CCDC186: variants seen among roughly 807,000 people sequenced by gnomAD.
CCDC186 encodes coiled-coil domain-containing protein 186.
Under a neutral mutation model 113.7 loss-of-function variants are expected in CCDC186, and 49 were observed. The observed-to-expected ratio is 0.43, with a 90% CI of 0.34 to 0.55. CCDC186 has a LOEUF of 0.55. CCDC186 is among the 20% of genes least tolerant of loss of function. The probability of loss-of-function intolerance (pLI) is 0.02; values close to 1 mark genes in which losing one functional copy is unlikely to be tolerated. For synonymous variants in CCDC186, 355 were observed against 345.8 expected (o/e 1.03, Z -0.30); for missense variants, 890 against 1,011.1 (o/e 0.88, Z 1.62).
intron 1 of CCDC186, chr10:114,165,847 CT>C: frequency 8.3e-6 from 2 of 241,682 alleles, no homozygotes; most frequent in Non-Finnish European, 9.6e-6. Flanking sequence ...GACACTTTGT[CT>C]CAAAAAAAAA....
At chr10:114,171,332 T>G (rs2032487932) in intron 1 of CCDC186, among the ~76,000 whole-genome samples, 1 of 151,880 alleles carries the variant, frequency 6.6e-6, no homozygotes, top group African/African-American at 2.4e-5. Flanking sequence ...GGCCAGGAAT[T>G]AAGAGAACAG....
At chr10:114,155,405 T>C (rs1194307772) in intron 3 of CCDC186, among the ~76,000 whole-genome samples, 1 of 152,226 alleles carries the variant, frequency 6.6e-6, no homozygotes, top group African/African-American at 2.4e-5. Flanking sequence ...CTGGGCGCAG[T>C]GGCTCACGCC....
At position 114,137,305 on chromosome 10, in the gene CCDC186, G is replaced by GACAGAGAC; in HGVS notation, c.1222-23_1222-16dup. 6.3e-7 allele frequency: 1 copy of GACAGAGAC among 1,596,006 alleles called. No homozygotes were observed. Among genetic ancestry groups the GACAGAGAC allele is most frequent in the Admixed American group, 1.7e-5 (1 of 59,892 alleles). On this transcript the variant is annotated splice_polypyrimidine_tract_variant and intron_variant, in intron 6 of 15. Coordinates refer to ENST00000369287, the MANE Select transcript of CCDC186 (RefSeq NM_018017.4). ...TCTTTGGTTTCCTGCATTGACAAAA[G>GACAGAGAC]ACAGAGACACAGTTGGGTACAGCAA...
Position 114,126,120 on chromosome 10 carries a change from G to C in CCDC186, c.2394-15C>G, listed in dbSNP as rs189841161. ...TTTGAATTATTCTGCAAAACAAAAT[G>C]ATAGTATCAGTTGTGTACTTGTAGA... On this transcript the variant is annotated splice_polypyrimidine_tract_variant and intron_variant, in intron 14 of 15. Transcript: ENST00000369287. 3 of 1,599,634 alleles carry C rather than the reference G, an allele frequency of 1.9e-6. No homozygotes were observed. In the African/African-American group the frequency reaches 4.0e-5, roughly 21 times the overall value.
At chr10:114,126,676 A>G (rs2030914253) in intron 14 of CCDC186, among the ~76,000 whole-genome samples, 1 of 152,218 alleles carries the variant, frequency 6.6e-6, no homozygotes, top group Non-Finnish European at 1.5e-5. Flanking sequence ...TTATTGCTCA[A>G]TTTCTGTTAA....
Position 114,163,395 on chromosome 10 carries a change from ACT to A in CCDC186, c.-61-68_-61-67del, listed in dbSNP as rs1156909201. ...CAAAACCCCATACAAACTTGCACAC[ACT>A]CTGTGATGTGGAATAACTAACACCA... On this transcript the variant is annotated intron_variant, in intron 1 of 15. Coordinates refer to ENST00000369287, the MANE Select transcript of CCDC186 (RefSeq NM_018017.4). 4.6e-5 allele frequency: 59 copies of A among 1,285,042 alleles called. 1 individual carries two copies. In the East Asian group the frequency reaches 1.3e-3, roughly 28 times the overall value. The allele number at this position is 1,285,042 out of a possible 1,614,324, so 79.6% of individuals were successfully genotyped here.
At chr10:114,133,196 C>T (rs1357499808) in intron 10 of CCDC186, among the ~76,000 whole-genome samples, 1 of 152,140 alleles carries the variant, frequency 6.6e-6, no homozygotes, top group Non-Finnish European at 1.5e-5. Context: ...ATGGTAGTAG[C>T]AGCAGGGAAG....
intron 6 of CCDC186, among the ~76,000 whole-genome samples, chr10:114,139,892 A>G (rs2031411999): frequency 2.0e-5 from 3 of 152,232 alleles, no homozygotes; most frequent in African/African-American, 4.8e-5. Flanking sequence ...CATTCGCTCA[A>G]AAAATAGCAA....
At chr10:114,147,019 T>C (rs192366096) in intron 4 of CCDC186, among the ~76,000 whole-genome samples, 94 of 152,304 alleles carry the variant, frequency 6.2e-4, no homozygotes, top group Admixed American at 2.2e-3. Context: ...AAGAAAGACA[T>C]TGCATTAGGG....
At position 114,167,808 on chromosome 10, in the gene CCDC186, A is replaced by C. The variant is rs923603776; in HGVS notation, c.-61-4479T>G. On this transcript the variant is annotated intron_variant, in intron 1 of 15. Transcript: ENST00000369287. Reference sequence around the variant, plus strand: ...CAAGACCTAATCTCCGTAAAAAAAAAAAAAAAAAAAAAAAAAAAATTGTTA... The same window carrying C: ...CAAGACCTAATCTCCGTAAAAAAAACAAAAAAAAAAAAAAAAAAATTGTTA... 1.3e-4 allele frequency among the ~76,000 whole-genome samples: 20 copies of C among 149,838 alleles called. No individual in the cohort carries two copies. In the South Asian group the frequency reaches 3.8e-3, roughly 28 times the overall value.
chr10:114,149,023 A>G (rs1439390599), intron 4 of CCDC186, among the ~76,000 whole-genome samples: 1 of 152,230 alleles, frequency 6.6e-6, no homozygotes, highest in Non-Finnish European at 1.5e-5. Context: ...CATCTTTTCT[A>G]TATGCTTGAA....
chr10:114,125,860 G>T, intron 15 of CCDC186, 26 bp downstream of exon 15: 1 of 1,581,164 alleles, frequency 6.3e-7, no homozygotes, highest in Non-Finnish European at 8.7e-7. Context: ...TTTACTGGTT[G>T]GTGTGTGAAT....
intron 1 of CCDC186, among the ~76,000 whole-genome samples, chr10:114,173,699 G>A (rs2032595925): frequency 6.6e-6 from 1 of 152,240 alleles, no homozygotes; most frequent in African/African-American, 2.4e-5. Flanking sequence ...ACGCAGCCCA[G>A]GCAATGGGCT....
chr10:114,135,988 G>T lies in CCDC186; in HGVS notation c.1426-11C>A. 6.2e-7 allele frequency: 1 copy of T among 1,601,566 alleles called. No individual in the cohort carries two copies. The highest frequency in any genetic ancestry group is 8.5e-7 in the Non-Finnish European group (1 of 1,169,850). On this transcript the variant is annotated splice_polypyrimidine_tract_variant and intron_variant, in intron 8 of 15. Coordinates refer to ENST00000369287, the MANE Select transcript of CCDC186 (RefSeq NM_018017.4). ...TTTGGCATGATGCATCTTTAAAAAA[G>T]TTTAAAAGAAACAACAAATCATAAT... is the stretch of plus-strand genomic sequence containing the variant.
intron 6 of CCDC186, among the ~76,000 whole-genome samples, chr10:114,142,635 T>A (rs1437369069): frequency 6.6e-6 from 1 of 152,212 alleles, no homozygotes; most frequent in Non-Finnish European, 1.5e-5. Context: ...AAATTGTTTC[T>A]CTTGGGTAGT....
intron 1 of CCDC186, among the ~76,000 whole-genome samples, chr10:114,169,758 T>C (rs17091399): frequency 6.6e-6 from 1 of 152,218 alleles, no homozygotes; most frequent in South Asian, 2.1e-4. Flanking sequence ...AAGATTGATA[T>C]TGTAATTAAT....
At position 114,151,151 on chromosome 10, in the gene CCDC186, C is replaced by T. The variant is rs759611860; in HGVS notation, c.829G>A (p.Val277Ile). Residue 277 changes from valine (V) to isoleucine (I), a missense_variant, in exon 4 of 16, where the codon GTT (valine) becomes ATT (isoleucine). Coordinates refer to ENST00000369287, the MANE Select transcript of CCDC186 (RefSeq NM_018017.4). ...ASRDQLIAQDVTAKNAVQQLH... is the reference protein window; with the variant it reads ...ASRDQLIAQDITAKNAVQQLH... Reference sequence around the variant, plus strand: ...TGCTGAACTGCATTTTTAGCTGTAACGTCTTGAGCTATTAGTTGATCTCTG... The same window carrying T: ...TGCTGAACTGCATTTTTAGCTGTAATGTCTTGAGCTATTAGTTGATCTCTG... The T allele has an allele frequency of 1.9e-5, 31 of 1,613,188 alleles. No homozygotes were observed. The highest frequency in any genetic ancestry group is 6.6e-5 in the South Asian group (6 of 91,044).
chr10:114,134,888 CA>C lies in CCDC186; in HGVS notation c.1655+24del, dbSNP rs1311809346. The C allele has an allele frequency of 1.9e-6, 3 of 1,581,590 alleles. No homozygotes were observed. The African/African-American group carries it at 4.1e-5, about 22-fold the overall frequency. On this transcript the variant is annotated intron_variant, in intron 10 of 15. Transcript: ENST00000369287. ...AAATTTAAAAGCTTGCTTATTAATA[CA>C]AACAGAAGTTGCTCATTTTGTACCT...
intron 4 of CCDC186, among the ~76,000 whole-genome samples, chr10:114,147,431 A>G (rs1365101629): frequency 1.3e-5 from 2 of 152,218 alleles, no homozygotes; most frequent in Non-Finnish European, 2.9e-5. Flanking sequence ...GCAGAATTCT[A>G]TAGAATGTAA....
Sources: gnomAD v4.1 joint callset for allele counts (sites outside exome capture counted in the v4.1 genomes callset) on GRCh38, gnomAD v4.1.1 for gene constraint, MANE v1.5 for transcripts, NCBI Gene and HGNC (gene_info 2026-07-23, HGNC 2026-07-21) for gene names.